The following GPC6 variants were observed in gnomAD, a reference collection of about 807,000 sequenced individuals.
The protein encoded by GPC6 is glypican 6.
Under a neutral mutation model 55.2 loss-of-function variants are expected in GPC6, and 14 were observed. That is an observed-to-expected ratio of 0.25 (90% CI 0.17 to 0.40). GPC6 has a LOEUF of 0.40. Ranked by LOEUF, GPC6 falls within the 10% of genes least tolerant of loss-of-function variation. The pLI is 1.00. For missense variants in GPC6, 641 were observed against 708.5 expected (o/e 0.90, Z 1.08); for synonymous variants, 278 against 259.6 (o/e 1.07, Z -0.68).
At chr13:93,974,885 C>G (rs1033790793) in intron 3 of GPC6, among the ~76,000 whole-genome samples, 1 of 151,986 alleles carries the variant, frequency 6.6e-6, no homozygotes, top group Non-Finnish European at 1.5e-5. Flanking sequence ...CTGCTTTTAT[C>G]CTCACTTTAT....
chr13:93,531,338 G>T (rs938215327), intron 1 of GPC6, among the ~76,000 whole-genome samples: 2 of 152,044 alleles, frequency 1.3e-5, no homozygotes, highest in Non-Finnish European at 2.9e-5. Context: ...ATTGGCTCAT[G>T]TGGTGTAAGA....
At chr13:93,339,528 G>C (rs1334806189) in intron 1 of GPC6, among the ~76,000 whole-genome samples, 1 of 152,162 alleles carries the variant, frequency 6.6e-6, no homozygotes, top group Non-Finnish European at 1.5e-5. Flanking sequence ...GTGCACAATA[G>C]TGACTTAGTC....
At chr13:93,924,696 CTTTTTT>C (rs10710851) in intron 3 of GPC6, among the ~76,000 whole-genome samples, 79 of 128,564 alleles carry the variant, frequency 6.1e-4, no homozygotes, top group African/African-American at 2.1e-3. Context: ...TCTTTCTTTT[CTTTTTT>C]TTTTTTTTTT....
intron 2 of GPC6, among the ~76,000 whole-genome samples, chr13:93,719,335 C>T (rs1051991025): frequency 6.6e-6 from 1 of 151,980 alleles, no homozygotes; most frequent in Non-Finnish European, 1.5e-5. Flanking sequence ...ATTTTATTCT[C>T]TTTGTAGCAA....
chr13:93,418,667 C>T (rs867801190), intron 1 of GPC6, among the ~76,000 whole-genome samples: 92 of 150,256 alleles, frequency 6.1e-4, no homozygotes, highest in Admixed American at 2.0e-3. Flanking sequence ...AGCGCTATAC[C>T]GTAGTATTTT....
At chr13:94,030,924 A>G (rs775863996) in intron 4 of GPC6, among the ~76,000 whole-genome samples, 11 of 152,210 alleles carry the variant, frequency 7.2e-5, no homozygotes, top group Admixed American at 1.3e-4. Context: ...TGTCTGGATC[A>G]TGTCAAAAGA....
intron 6 of GPC6, 121 bp downstream of exon 6, chr13:94,306,244 T>A: frequency 1.1e-6 from 1 of 944,294 alleles, no homozygotes; most frequent in Admixed American, 1.9e-5. Flanking sequence ...TATATCTGCC[T>A]CTGTTCTTAA....
At chr13:94,287,603 T>A (rs1892565584) in intron 5 of GPC6, among the ~76,000 whole-genome samples, 2 of 152,126 alleles carry the variant, frequency 1.3e-5, no homozygotes, top group Non-Finnish European at 2.9e-5. Flanking sequence ...AGCTAGAGTT[T>A]CATAAGCCTT....
At chr13:93,497,162 T>C (rs1464254922) in intron 1 of GPC6, among the ~76,000 whole-genome samples, 2 of 152,242 alleles carry the variant, frequency 1.3e-5, no homozygotes, top group African/African-American at 2.4e-5. Flanking sequence ...TAGATTTTTT[T>C]CCTCAGGTTT....
intron 1 of GPC6, among the ~76,000 whole-genome samples, chr13:93,512,348 C>T (rs1157586434): frequency 6.6e-6 from 1 of 151,950 alleles, no homozygotes; most frequent in Non-Finnish European, 1.5e-5. Context: ...GAGGTGTGTT[C>T]TGTCTATGTT....
intron 2 of GPC6, among the ~76,000 whole-genome samples, chr13:93,791,960 C>T (rs891286233): frequency 5.3e-5 from 8 of 152,084 alleles, no homozygotes; most frequent in South Asian, 4.1e-4. Context: ...ACACAGGGAA[C>T]GAAGCAAAAT....
rs1346696838 is a variant in GPC6, at chr13:93,227,461, C to T, written c.5C>T (p.Pro2Leu). The T allele has an allele frequency of 1.2e-6, 2 of 1,613,818 alleles. No homozygotes were observed. Among genetic ancestry groups the T allele is most frequent in the African/African-American group, 1.3e-5 (1 of 75,052 alleles). The stretch of plus-strand genomic sequence containing the variant: ...GCTGGATTTGTATGTTGCACCATGC[C>T]TTCTTGGATCGGGGCTGTGATTCTT... M[P>L]SWIGAVILPL... The change falls in exon 1 of 9, where the codon CCT (proline) becomes CTT (leucine). Residue 2 changes from proline (P) to leucine (L), a missense_variant. By Grantham distance (98) the Pro-to-Leu change is moderately conservative (BLOSUM62 -3). Transcript: ENST00000377047. This position sits in a 1 kb window ranked among gnomAD's most constrained non-coding sequence, Gnocchi z 4.3.
chr13:93,883,189 A>G (rs962646436), intron 3 of GPC6, among the ~76,000 whole-genome samples: 3 of 151,082 alleles, frequency 2.0e-5, no homozygotes, highest in African/African-American at 7.3e-5. Flanking sequence ...ATAATGCATG[A>G]TCAATAGTAA....
At chr13:93,893,436 A>G (rs1453239146) in intron 3 of GPC6, among the ~76,000 whole-genome samples, 9 of 152,210 alleles carry the variant, frequency 5.9e-5, no homozygotes, top group African/African-American at 2.2e-4. Context: ...CCAGCGATGC[A>G]GAAATATCTA....
chr13:93,528,089 A>G (rs1187211217), intron 1 of GPC6, among the ~76,000 whole-genome samples: 1 of 152,144 alleles, frequency 6.6e-6, no homozygotes, highest in Non-Finnish European at 1.5e-5. Flanking sequence ...AATCACTCTC[A>G]CCTAGACTTG....
chr13:94,226,156 C>A (rs1890551319), intron 4 of GPC6, among the ~76,000 whole-genome samples: 1 of 152,088 alleles, frequency 6.6e-6, no homozygotes, highest in African/African-American at 2.4e-5. Flanking sequence ...CACAGTAAAG[C>A]AAACTCATCA....
chr13:93,500,423 G>A (rs571025060), intron 1 of GPC6, among the ~76,000 whole-genome samples: 6 of 152,204 alleles, frequency 3.9e-5, no homozygotes, highest in Non-Finnish European at 7.4e-5. Context: ...AGTTGGAGCC[G>A]GCAAGCTATG....
intron 3 of GPC6, among the ~76,000 whole-genome samples, chr13:93,978,574 C>A (rs1184088405): frequency 2.0e-5 from 3 of 152,096 alleles, no homozygotes; most frequent in African/African-American, 7.2e-5. Flanking sequence ...CACATGCATA[C>A]ACACATATAC....
intron 1 of GPC6, among the ~76,000 whole-genome samples, chr13:93,385,534 G>A (rs906286460): frequency 1.3e-5 from 2 of 152,218 alleles, no homozygotes; most frequent in Admixed American, 6.5e-5. Flanking sequence ...CCAGGGCCCC[G>A]AACAGTGGCA....
Sources: gnomAD v4.1 joint callset for allele counts (sites outside exome capture counted in the v4.1 genomes callset) on GRCh38, gnomAD v4.1.1 for gene constraint, Gnocchi (gnomAD v3.1) non-coding constraint, MANE v1.5 for transcripts, NCBI Gene and HGNC (gene_info 2026-07-23, HGNC 2026-07-21) for gene names.